The following UMAD1 variants were observed in gnomAD, a reference collection of about 807,000 sequenced individuals.
The protein encoded by UMAD1 is UBAP1-MVB12-associated (UMA)-domain containing protein 1.
Under a neutral mutation model 6.1 loss-of-function variants are expected in UMAD1, and 8 were observed. The observed-to-expected ratio is 1.30, with a 90% CI of 0.76 to 2.35. The LOEUF is 2.35. UMAD1 is among the 30% of genes most tolerant of loss of function. The probability of loss-of-function intolerance (pLI) is 0.00; values close to 1 mark genes in which losing one functional copy is unlikely to be tolerated. For missense variants in UMAD1, 130 were observed against 78.4 expected, an observed-to-expected ratio of 1.66 and a Z score of -2.49; for synonymous variants, 56 against 31.4, an observed-to-expected ratio of 1.78 and a Z score of -2.61.
intron 3 of UMAD1, among the ~76,000 whole-genome samples, chr7:7,846,173 A>G (rs773675762): frequency 6.6e-6 from 1 of 152,170 alleles, no homozygotes; most frequent in East Asian, 1.9e-4. Flanking sequence ...GGTTAATACT[A>G]TTTATCTGTA....
chr7:7,646,834 C>T (rs1785106786), intron 1 of UMAD1, among the ~76,000 whole-genome samples: 1 of 152,112 alleles, frequency 6.6e-6, no homozygotes, highest in South Asian at 2.1e-4. Context: ...CTCTGCCACT[C>T]TTCTGCTCAT....
intron 3 of UMAD1, among the ~76,000 whole-genome samples, chr7:7,875,897 T>G (rs1784408162): frequency 6.6e-6 from 1 of 151,902 alleles, no homozygotes; most frequent in African/African-American, 2.4e-5. Flanking sequence ...GGCAACATAG[T>G]GAAATCCTGT....
chr7:7,670,266 C>G (rs1394723247), intron 1 of UMAD1, among the ~76,000 whole-genome samples: 2 of 152,140 alleles, frequency 1.3e-5, no homozygotes, highest in Non-Finnish European at 2.9e-5. Flanking sequence ...TGTGGCCAGA[C>G]ATCAAAAGGC....
intron 2 of UMAD1, among the ~76,000 whole-genome samples, chr7:7,702,420 A>G (rs563910002): frequency 1.7e-3 from 263 of 152,276 alleles, no homozygotes; most frequent in African/African-American, 6.0e-3. Context: ...GAAGGAGTCT[A>G]TGGACTATAA....
chr7:7,812,955 C>T lies in UMAD1; in HGVS notation c.156+11212C>T, dbSNP rs183728591. 3.7e-3 allele frequency among the ~76,000 whole-genome samples: 563 copies of T among 152,164 alleles called. 2 individuals carry two copies. The highest frequency in any genetic ancestry group is 6.1e-3 in the Non-Finnish European group (412 of 68,002). ...GATGTCTTCCGACCACTAGAGATTC[C>T]TTCTTGAAGGATAAATTTCATCTGA... On this transcript the variant is annotated intron_variant, in intron 3 of 3. Transcript: ENST00000682710.
intron 2 of UMAD1, chr7:7,742,126 A>C: frequency 6.5e-6 from 4 of 619,146 alleles, no homozygotes; most frequent in Non-Finnish European, 1.2e-5. Context: ...AAAGCATCGT[A>C]ATCAGGAGGC....
intron 2 of UMAD1, among the ~76,000 whole-genome samples, chr7:7,722,549 A>G (rs1000183524): frequency 1.3e-5 from 2 of 152,158 alleles, no homozygotes; most frequent in African/African-American, 4.8e-5. Context: ...AATGTAATGA[A>G]GTTGGTTGGT....
chr7:7,853,886 C>T lies in UMAD1; in HGVS notation c.157-23395C>T, dbSNP rs116130056. On this transcript the variant is annotated intron_variant, in intron 3 of 3. Transcript: ENST00000682710. ...CAAGAATGGATACCTTGTCTTGTTC[C>T]TGGTCTTAGGGGAAAAGCATCTAGT... Among the ~76,000 whole-genome samples, 792 of 152,208 alleles carry T rather than the reference C, an allele frequency of 5.2e-3. 8 individuals carry two copies. Among genetic ancestry groups the T allele is most frequent in the African/African-American group, 0.018 (747 of 41,526 alleles).
intron 2 of UMAD1, among the ~76,000 whole-genome samples, chr7:7,749,408 A>G (rs781554137): frequency 1.3e-5 from 2 of 152,154 alleles, no homozygotes; most frequent in Non-Finnish European, 2.9e-5. Context: ...GTGGGTTTGA[A>G]CTGTTTCTGC....
At chr7:7,694,350 A>G (rs1780254753) in intron 2 of UMAD1, among the ~76,000 whole-genome samples, 1 of 152,142 alleles carries the variant, frequency 6.6e-6, no homozygotes, top group African/African-American at 2.4e-5. Context: ...CCATCACGTC[A>G]AGCATTTATC....
chr7:7,787,326 C>G (rs781609337), intron 2 of UMAD1, among the ~76,000 whole-genome samples: 28 of 152,084 alleles, frequency 1.8e-4, no homozygotes, highest in Admixed American at 9.2e-4. Flanking sequence ...GTGATTCCTT[C>G]TTTACAAACT....
At chr7:7,803,700 CT>C (rs879542209) in intron 3 of UMAD1, among the ~76,000 whole-genome samples, 168 of 142,182 alleles carry the variant, frequency 1.2e-3, no homozygotes, top group Middle Eastern at 3.6e-3. Context: ...GGTGAGGGCC[CT>C]TTTTTTTTTT....
At chr7:7,703,722 T>A in intron 2 of UMAD1, among the ~76,000 whole-genome samples, 1 of 152,146 alleles carries the variant, frequency 6.6e-6, no homozygotes, top group South Asian at 2.1e-4. Flanking sequence ...GGCAGATCGC[T>A]TGAGCCCAGG....
chr7:7,818,178 T>C (rs1275110580), intron 3 of UMAD1, among the ~76,000 whole-genome samples: 2 of 152,176 alleles, frequency 1.3e-5, no homozygotes, highest in Admixed American at 6.5e-5. Context: ...TGTTCCCCTC[T>C]ATGTGTCTGT....
chr7:7,709,553 G>A (rs1030952126), intron 2 of UMAD1, among the ~76,000 whole-genome samples: 2 of 152,248 alleles, frequency 1.3e-5, no homozygotes, highest in African/African-American at 4.8e-5. Flanking sequence ...CGCTGAGCCT[G>A]CAAGGGCAAA....
At chr7:7,742,355 G>T in intron 2 of UMAD1, 2 of 601,474 alleles carry the variant, frequency 3.3e-6, no homozygotes, top group South Asian at 1.4e-5. Context: ...TCTCCTGGGG[G>T]CGCTCTTCCG....
chr7:7,791,701 G>A (rs1782570579), intron 2 of UMAD1, among the ~76,000 whole-genome samples: 2 of 152,188 alleles, frequency 1.3e-5, no homozygotes, highest in African/African-American at 4.8e-5. Flanking sequence ...AGTTAATTAA[G>A]AGCAGACCGG....
At chr7:7,828,789 C>A (rs756799745) in intron 3 of UMAD1, among the ~76,000 whole-genome samples, 1 of 152,132 alleles carries the variant, frequency 6.6e-6, no homozygotes, top group Non-Finnish European at 1.5e-5. Context: ...GTGGTACTCT[C>A]CCCACTACTT....
At chr7:7,847,851 A>C (rs534586533) in intron 3 of UMAD1, among the ~76,000 whole-genome samples, 1 of 152,238 alleles carries the variant, frequency 6.6e-6, no homozygotes, top group South Asian at 2.1e-4. Flanking sequence ...CAGGATGCAC[A>C]TTTTTTAACT....
Sources: gnomAD v4.1 joint callset for allele counts (sites outside exome capture counted in the v4.1 genomes callset) on GRCh38, gnomAD v4.1.1 for gene constraint, MANE v1.5 for transcripts, NCBI Gene and HGNC (gene_info 2026-07-23, HGNC 2026-07-21) for gene names.